The following ANO10 variants were observed in gnomAD, a reference collection of about 807,000 sequenced individuals.
ANO10 encodes anoctamin 10, also known as anoctamin-10.
Under a neutral mutation model 74.7 loss-of-function variants are expected in ANO10, and 77 were observed. The observed-to-expected ratio is 1.03, with a 90% CI of 0.86 to 1.25. The LOEUF (loss-of-function observed/expected upper bound fraction) is 1.25. ANO10 is among the 50% of genes most tolerant of loss of function. The pLI is 0.00. For missense variants in ANO10, 721 were observed against 778.1 expected, an observed-to-expected ratio of 0.93 and a Z score of 0.87; for synonymous variants, 279 against 284.9, an observed-to-expected ratio of 0.98 and a Z score of 0.21.
chr3:43,386,843 C>A (rs998676816), intron 12 of ANO10, among the ~76,000 whole-genome samples: 1 of 152,054 alleles, frequency 6.6e-6, no homozygotes, highest in Non-Finnish European at 1.5e-5. Context: ...CTGGAGAAAG[C>A]CGCCTATGAG....
intron 1 of ANO10, among the ~76,000 whole-genome samples, chr3:43,664,227 C>A (rs1393956225): frequency 6.6e-6 from 1 of 152,096 alleles, no homozygotes; most frequent in East Asian, 1.9e-4. Flanking sequence ...AATAACACCA[C>A]ACATCTACCA....
intron 11 of ANO10, among the ~76,000 whole-genome samples, chr3:43,433,483 C>G (rs754143196): frequency 5.9e-5 from 9 of 152,160 alleles, no homozygotes; most frequent in Non-Finnish European, 1.2e-4. Context: ...CATGAATCCT[C>G]TAATCCCATA....
chr3:43,674,221 T>C (rs1234028674), intron 1 of ANO10, among the ~76,000 whole-genome samples: 2 of 152,200 alleles, frequency 1.3e-5, no homozygotes, highest in Non-Finnish European at 2.9e-5. Flanking sequence ...CTCACTGTAA[T>C]GTTGAACTTC....
intron 7 of ANO10, among the ~76,000 whole-genome samples, chr3:43,570,440 A>G (rs1394906200): frequency 6.6e-6 from 1 of 151,568 alleles, no homozygotes; most frequent in African/African-American, 2.4e-5. Context: ...ACTATACTAC[A>G]AGGCTACAGT....
chr3:43,492,929 A>G (rs892773934), intron 11 of ANO10, among the ~76,000 whole-genome samples: 1 of 152,200 alleles, frequency 6.6e-6, no homozygotes, highest in Non-Finnish European at 1.5e-5. Flanking sequence ...CAGCCATCCC[A>G]TTACTGGGCA....
chr3:43,459,716 T>C (rs1034825355), intron 11 of ANO10, among the ~76,000 whole-genome samples: 4 of 152,116 alleles, frequency 2.6e-5, no homozygotes, highest in African/African-American at 9.7e-5. Flanking sequence ...AGGGGGAAAG[T>C]GCTTTTTGGG....
rs369637531 is a variant in ANO10, at chr3:43,496,691, T to C, written c.1797+53029A>G. ...CAAGCTGGTTATTCTATTCTTTATT[T>C]ACTTTTTGCATGGTACTTACCATGT... On this transcript the variant is annotated intron_variant, in intron 11 of 12. Coordinates refer to ENST00000292246, the MANE Select transcript of ANO10 (RefSeq NM_018075.5). Among the ~76,000 whole-genome samples, 27 of 152,190 alleles carry C rather than the reference T, an allele frequency of 1.8e-4. 1 individual carries two copies. Among genetic ancestry groups the C allele is most frequent in the East Asian group, 7.7e-4 (4 of 5,178 alleles).
intron 12 of ANO10, among the ~76,000 whole-genome samples, chr3:43,426,227 C>G (rs2092898558): frequency 6.6e-6 from 1 of 152,144 alleles, no homozygotes; most frequent in Non-Finnish European, 1.5e-5. Context: ...AACGTGACTG[C>G]CTTGGGCACT....
At chr3:43,648,027 C>A (rs993127513) in intron 1 of ANO10, among the ~76,000 whole-genome samples, 2 of 152,204 alleles carry the variant, frequency 1.3e-5, no homozygotes, top group Non-Finnish European at 2.9e-5. Context: ...CTCAAGGGAA[C>A]CAACCTCCAT....
intron 11 of ANO10, among the ~76,000 whole-genome samples, chr3:43,462,610 T>C (rs1439733658): frequency 6.6e-6 from 1 of 152,072 alleles, no homozygotes; most frequent in Non-Finnish European, 1.5e-5. Flanking sequence ...GAAAAGAAAA[T>C]CCCATTTTCT....
chr3:43,667,990 T>C (rs933210360), intron 1 of ANO10, among the ~76,000 whole-genome samples: 2 of 152,186 alleles, frequency 1.3e-5, no homozygotes, highest in Admixed American at 1.3e-4. Flanking sequence ...GTAGTTCTTT[T>C]AGTTCTTTAA....
intron 11 of ANO10, among the ~76,000 whole-genome samples, chr3:43,526,823 A>G (rs1443359175): frequency 6.6e-6 from 1 of 150,688 alleles, no homozygotes; most frequent in Non-Finnish European, 1.5e-5. Flanking sequence ...TTCTTATTTT[A>G]GCCCTACTTT....
intron 11 of ANO10, among the ~76,000 whole-genome samples, chr3:43,434,687 T>C (rs1445060840): frequency 6.6e-6 from 1 of 152,158 alleles, no homozygotes; most frequent in East Asian, 1.9e-4. Flanking sequence ...ATGCTTCCCT[T>C]GGATGTAAGG....
intron 12 of ANO10, among the ~76,000 whole-genome samples, chr3:43,411,312 A>G (rs2148892448): frequency 6.6e-6 from 1 of 152,254 alleles, no homozygotes; most frequent in Middle Eastern, 3.4e-3. Flanking sequence ...ATGGTCCATA[A>G]TTTTCCTGTA....
intron 9 of ANO10, among the ~76,000 whole-genome samples, chr3:43,559,806 T>G (rs2079939235): frequency 6.6e-6 from 1 of 152,130 alleles, no homozygotes; most frequent in South Asian, 2.1e-4. Context: ...TAATTTAACT[T>G]TTATCCCATA....
intron 4 of ANO10, among the ~76,000 whole-genome samples, chr3:43,590,343 T>C (rs1252604786): frequency 6.6e-6 from 1 of 152,182 alleles, no homozygotes; most frequent in African/African-American, 2.4e-5. Flanking sequence ...CGAGAAAGAT[T>C]AGAATTTGAA....
chr3:43,576,660 G>C, intron 6 of ANO10, 32 bp downstream of exon 6: 1 of 1,606,520 alleles, frequency 6.2e-7, no homozygotes, highest in South Asian at 1.1e-5. Flanking sequence ...TTACAGGCAA[G>C]TAAGACGTGA....
At chr3:43,620,586 T>C (rs2083340426) in intron 1 of ANO10, among the ~76,000 whole-genome samples, 1 of 152,188 alleles carries the variant, frequency 6.6e-6, no homozygotes, top group Non-Finnish European at 1.5e-5. Flanking sequence ...AAGACCAGCC[T>C]GGCCAACATG....
At chr3:43,391,320 A>C (rs904894387) in intron 12 of ANO10, among the ~76,000 whole-genome samples, 16 of 152,254 alleles carry the variant, frequency 1.1e-4, no homozygotes, top group Non-Finnish European at 2.1e-4. Flanking sequence ...CAGAACAATA[A>C]AGCTGCAACT....
Sources: allele counts gnomAD v4.1 joint callset (sites outside exome capture counted in the v4.1 genomes callset), GRCh38; gene constraint gnomAD v4.1.1; transcripts MANE v1.5; gene names NCBI Gene and HGNC (gene_info 2026-07-23, HGNC 2026-07-21).